Variants in INPP5A observed in about 807,000 individuals in gnomAD.
INPP5A encodes the protein inositol polyphosphate-5-phosphatase A.
A neutral mutation model predicts 65.2 loss-of-function variants in INPP5A; 14 were observed. The observed-to-expected ratio is 0.21, with a 90% CI of 0.14 to 0.34. The LOEUF (loss-of-function observed/expected upper bound fraction) is 0.34, where lower values mean the gene tolerates loss of function less well. INPP5A is among the 10% of genes least tolerant of loss of function. The pLI is 1.00. For missense variants in INPP5A, 431 were observed against 545.6 expected, an observed-to-expected ratio of 0.79 and a Z score of 2.09; for synonymous variants, 207 against 208.3, an observed-to-expected ratio of 0.99 and a Z score of 0.05.
At chr10:132,593,024 G>T (rs949730788) in intron 1 of INPP5A, among the ~76,000 whole-genome samples, 2 of 152,204 alleles carry the variant, frequency 1.3e-5, no homozygotes, top group Non-Finnish European at 2.9e-5. Flanking sequence ...CCCTGTGGTT[G>T]TAGGACTCAC....
Position 132,670,843 on chromosome 10 carries a change from C to CT in INPP5A, c.307-19527dup, listed in dbSNP as rs11289296. On this transcript the variant is annotated intron_variant, in intron 4 of 15. Transcript: ENST00000368594. ...TGATTTCTTGGCAGTGTCTTTCTTT[C>CT]TTTTTTTTTTTTTTTTTTTTTTAAG... Among the ~76,000 whole-genome samples, 634 of 117,036 alleles carry CT rather than the reference C, an allele frequency of 5.4e-3. 3 individuals carry two copies. Among genetic ancestry groups the CT allele is most frequent in the South Asian group, 0.025 (80 of 3,226 alleles). The allele number at this position is 117,036 out of a possible 152,430, so 76.8% of individuals were successfully genotyped here.
rs1031397654 is a variant in INPP5A, at chr10:132,704,334, C to T, written c.475-3979C>T. On this transcript the variant is annotated intron_variant, in intron 6 of 15. Coordinates refer to ENST00000368594, the MANE Select transcript of INPP5A (RefSeq NM_005539.5). The surrounding 1 kb of genome is among the most constrained non-coding windows in gnomAD (Gnocchi z 4.5). Reference sequence around the variant, plus strand: ...CGTCCAGCCTTCTCCCATGACAGCCCCCATGGGTGAGAACCCAGCCTTGGG... The same window carrying T: ...CGTCCAGCCTTCTCCCATGACAGCCTCCATGGGTGAGAACCCAGCCTTGGG... Among the ~76,000 whole-genome samples, 1 of 152,230 alleles carries T rather than the reference C, an allele frequency of 6.6e-6. No homozygotes were observed. The highest frequency in any genetic ancestry group is 6.5e-5 in the Admixed American group (1 of 15,288).
In INPP5A at chr10:132,697,648, C is replaced by T. The variant is rs557072071; in HGVS notation, c.371-168C>T. The stretch of plus-strand genomic sequence containing the variant: ...TTATGAGCCACAGGCATGGAGTAGC[C>T]GGCCCGCTGGGGGTCTGTTCTGGGT... On this transcript the variant is annotated intron_variant, in intron 5 of 15. Transcript: ENST00000368594. The surrounding 1 kb of genome is among the most constrained non-coding windows in gnomAD (Gnocchi z 5.6). 7.2e-4 allele frequency among the ~76,000 whole-genome samples: 110 copies of T among 152,118 alleles called. No homozygotes were observed. The highest frequency in any genetic ancestry group is 2.5e-3 in the African/African-American group (103 of 41,478).
chr10:132,568,490 CTGGGAGGCTGGTAAT>C (rs2071299143), intron 1 of INPP5A, among the ~76,000 whole-genome samples: 1 of 151,810 alleles, frequency 6.6e-6, no homozygotes, highest in Non-Finnish European at 1.5e-5. Context: ...ACTGGGATTA[CTGGGAGGCTGGTAAT>C]TGGGAGGCTG....
chr10:132,713,066 A>C (rs531122195), intron 8 of INPP5A, among the ~76,000 whole-genome samples: 2 of 149,884 alleles, frequency 1.3e-5, no homozygotes, highest in African/African-American at 5.0e-5. Context: ...ATATGTGGGG[A>C]GAGCATATGC....
intron 2 of INPP5A, among the ~76,000 whole-genome samples, chr10:132,638,704 ATCACAGG>A: frequency 6.6e-6 from 1 of 152,246 alleles, no homozygotes; most frequent in East Asian, 1.9e-4. Flanking sequence ...AGTAGCTGGG[ATCACAGG>A]TGTATGCAAC....
intron 1 of INPP5A, among the ~76,000 whole-genome samples, chr10:132,607,655 G>C (rs1418990168): frequency 1.3e-5 from 2 of 152,252 alleles, no homozygotes; most frequent in South Asian, 4.1e-4. Flanking sequence ...TGGGGGCTGC[G>C]CGACGCTGCC....
chr10:132,560,804 T>G (rs886730093), intron 1 of INPP5A, among the ~76,000 whole-genome samples: 10 of 152,112 alleles, frequency 6.6e-5, no homozygotes, highest in Admixed American at 4.6e-4. Flanking sequence ...AAATACAGGG[T>G]CTTGCTATGC....
At chr10:132,748,982 G>A (rs1223766087) in intron 9 of INPP5A, among the ~76,000 whole-genome samples, 1 of 152,214 alleles carries the variant, frequency 6.6e-6, no homozygotes, top group South Asian at 2.1e-4. Context: ...GGACTGGTTT[G>A]AGCCTGTTAA....
intron 9 of INPP5A, among the ~76,000 whole-genome samples, chr10:132,732,054 A>T (rs1041467839): frequency 1.3e-5 from 2 of 152,216 alleles, no homozygotes; most frequent in Non-Finnish European, 2.9e-5. Flanking sequence ...GGGAGCAGGG[A>T]GGCCTCCACC....
At chr10:132,701,020 C>T (rs554223597) in intron 6 of INPP5A, among the ~76,000 whole-genome samples, 13 of 152,300 alleles carry the variant, frequency 8.5e-5, no homozygotes, top group Admixed American at 5.9e-4. Flanking sequence ...ATCACAGGGC[C>T]GGCTGCAAGC....
chr10:132,668,693 T>A (rs1331948533), intron 4 of INPP5A, among the ~76,000 whole-genome samples: 1 of 152,222 alleles, frequency 6.6e-6, no homozygotes, highest in Non-Finnish European at 1.5e-5. Flanking sequence ...GGGCTTATCA[T>A]TCCTCCTGAT....
intron 4 of INPP5A, among the ~76,000 whole-genome samples, chr10:132,688,717 G>T (rs1845194096): frequency 1.3e-5 from 2 of 151,754 alleles, no homozygotes; most frequent in East Asian, 1.9e-4. Context: ...GTGAACAAGT[G>T]CATTGTGTGC....
chr10:132,661,145 C>T (rs1219295481), intron 4 of INPP5A, among the ~76,000 whole-genome samples: 1 of 152,180 alleles, frequency 6.6e-6, no homozygotes, highest in African/African-American at 2.4e-5. Context: ...CATGCTCCCA[C>T]CTCTTCGTGA....
intron 12 of INPP5A, among the ~76,000 whole-genome samples, chr10:132,773,411 G>A (rs905947832): frequency 2.0e-5 from 3 of 152,160 alleles, no homozygotes; most frequent in Admixed American, 6.5e-5. Context: ...AATGAACTGC[G>A]CAGACAAGTC....
chr10:132,627,071 G>C lies in INPP5A; in HGVS notation c.118-18797G>C, dbSNP rs189356663. ...GGTGGGCCCCCCGGATGGGATGGGT[G>C]CCCTTACAAGAAGGGACACGGGATC... On this transcript the variant is annotated intron_variant, in intron 2 of 15. Transcript: ENST00000368594. This position sits in a 1 kb window ranked among gnomAD's most constrained non-coding sequence, Gnocchi z 6.6. 7.2e-5 allele frequency among the ~76,000 whole-genome samples: 11 copies of C among 152,292 alleles called. No homozygotes were observed. In the East Asian group the frequency reaches 1.9e-3, roughly 27 times the overall value.
In INPP5A at chr10:132,753,542, T is replaced by C. The variant is rs984918823; in HGVS notation, c.903+3697T>C. 6.6e-6 allele frequency among the ~76,000 whole-genome samples: 1 copy of C among 152,204 alleles called. No homozygotes were observed. Among genetic ancestry groups the C allele is most frequent in the African/African-American group, 2.4e-5 (1 of 41,450 alleles). ...TTTTTCTATGATTTATAGCTTTGTT[T>C]AGTCGATATTCCCATCGAAATTGTA... is the stretch of plus-strand genomic sequence containing the variant. On this transcript the variant is annotated intron_variant, in intron 11 of 15. Transcript: ENST00000368594. The surrounding 1 kb of genome is among the most constrained non-coding windows in gnomAD (Gnocchi z 5.3).
chr10:132,655,004 G>A (rs762150539), intron 4 of INPP5A, among the ~76,000 whole-genome samples: 6 of 152,204 alleles, frequency 3.9e-5, no homozygotes, highest in African/African-American at 9.6e-5. Flanking sequence ...GGCTCACGCC[G>A]GTAATCCCAG....
At chr10:132,725,604 C>A (rs371953046) in intron 8 of INPP5A, among the ~76,000 whole-genome samples, 4 of 152,248 alleles carry the variant, frequency 2.6e-5, no homozygotes, top group African/African-American at 9.6e-5. Context: ...TGGGCCCTAC[C>A]GTGCCCCTCA....
Sources: gnomAD v4.1 joint callset for allele counts (sites outside exome capture counted in the v4.1 genomes callset) on GRCh38, gnomAD v4.1.1 for gene constraint, Gnocchi (gnomAD v3.1) non-coding constraint, MANE v1.5 for transcripts, NCBI Gene and HGNC (gene_info 2026-07-23, HGNC 2026-07-21) for gene names.